Variants in DPP6 observed in about 807,000 individuals in gnomAD.
DPP6 encodes dipeptidyl peptidase like 6, also known as A-type potassium channel modulatory protein DPP6.
In DPP6, 69 loss-of-function variants were observed where a neutral mutation model predicts 122.6. The ratio of observed to expected loss-of-function variants is 0.56; its 90% CI spans 0.46 to 0.69. The LOEUF is 0.69. Among genes scored for constraint, DPP6 ranks in the 30% least tolerant of loss-of-function variants. DPP6 has a pLI of 0.00. For synonymous variants in DPP6, 418 were observed against 433.1 expected (o/e 0.97, Z 0.43); for missense variants, 928 against 1,116.9 (o/e 0.83, Z 2.41).
intron 1 of DPP6, among the ~76,000 whole-genome samples, chr7:154,298,069 C>T (rs908281130): frequency 6.6e-6 from 1 of 152,086 alleles, no homozygotes; most frequent in Non-Finnish European, 1.5e-5. Context: ...TGTGGGTGGG[C>T]CTCGTCCGAT....
At chr7:154,584,333 G>A (rs1229952012) in intron 5 of DPP6, among the ~76,000 whole-genome samples, 2 of 152,210 alleles carry the variant, frequency 1.3e-5, no homozygotes, top group African/African-American at 4.8e-5. Flanking sequence ...TCAGCAGCAG[G>A]CCTTGGACTC....
chr7:154,540,983 C>T lies in DPP6; in HGVS notation c.552+357C>T, dbSNP rs537478796. On this transcript the variant is annotated intron_variant, in intron 4 of 25. Transcript: ENST00000377770. ...TTTGCTCAATCCTGTTTAAAAAAAG[C>T]TCGTCTCCGCATGCATAGGAAGTAT... Among the ~76,000 whole-genome samples the T allele has an allele frequency of 4.6e-4, 70 of 152,266 alleles. 2 individuals are homozygous for T. The highest frequency in any genetic ancestry group is 4.2e-3 in the Admixed American group (64 of 15,296).
the DPP6 span, among the ~76,000 whole-genome samples, chr7:153,818,382 T>G: frequency 6.6e-6 from 1 of 152,092 alleles, no homozygotes; most frequent in South Asian, 2.1e-4. Flanking sequence ...TATTAAAACA[T>G]ATATAAAAGA....
intron 1 of DPP6, among the ~76,000 whole-genome samples, chr7:154,158,111 A>C (rs1409418216): frequency 2.0e-5 from 3 of 149,818 alleles, no homozygotes; most frequent in African/African-American, 7.4e-5. Flanking sequence ...CCATATAATT[A>C]TGTTTCAATT....
At chr7:153,771,211 C>T in the DPP6 span, among the ~76,000 whole-genome samples, 1 of 151,950 alleles carries the variant, frequency 6.6e-6, no homozygotes, top group African/African-American at 2.4e-5. Context: ...TGCTGAAGAA[C>T]AAAATATGAG....
chr7:153,942,396 G>C (rs759796851), intron 1 of DPP6, among the ~76,000 whole-genome samples: 4 of 152,212 alleles, frequency 2.6e-5, no homozygotes, highest in African/African-American at 9.6e-5. Context: ...TCAATGACAC[G>C]TAAGTGCCAG....
intron 17 of DPP6, among the ~76,000 whole-genome samples, chr7:154,857,596 A>G (rs1482449439): frequency 6.6e-6 from 1 of 152,146 alleles, no homozygotes; most frequent in Non-Finnish European, 1.5e-5. Context: ...GTCTTCCCCA[A>G]ACAAAATGCA....
chr7:154,767,797 A>G (rs371150719), intron 8 of DPP6, among the ~76,000 whole-genome samples: 4 of 152,194 alleles, frequency 2.6e-5, no homozygotes, highest in African/African-American at 4.8e-5. Flanking sequence ...ACCAGAGTAC[A>G]GGAGGTCAAA....
intron 17 of DPP6, among the ~76,000 whole-genome samples, chr7:154,860,882 G>A (rs550483150): frequency 6.6e-6 from 1 of 152,348 alleles, no homozygotes; most frequent in African/African-American, 2.4e-5. Flanking sequence ...GGGCCGTCCA[G>A]CAAATGCACA....
chr7:154,577,731 A>C (rs1055181246), intron 5 of DPP6, among the ~76,000 whole-genome samples: 69 of 152,326 alleles, frequency 4.5e-4, no homozygotes, highest in Non-Finnish European at 7.6e-4. Context: ...ATTGTAATGT[A>C]GTGAGGGGAG....
chr7:154,005,369 A>G (rs935878088), intron 1 of DPP6, among the ~76,000 whole-genome samples: 81 of 152,178 alleles, frequency 5.3e-4, no homozygotes, highest in African/African-American at 1.7e-3. Flanking sequence ...AGGTTCCACT[A>G]GTGCTGTTGG....
chr7:154,095,727 T>C lies in DPP6; in HGVS notation c.243+42664T>C, dbSNP rs1805276695. ...CTGGGAGGCGGCCTTGGCGTGTCCC[T>C]GAGACCTCCTGTGATGCTCACGGCT... is the stretch of plus-strand genomic sequence containing the variant. On this transcript the variant is annotated intron_variant, in intron 1 of 25. Transcript: ENST00000377770. 1.8e-5 allele frequency: 2 copies of C among 111,022 alleles called. 1 individual carries two copies. Among genetic ancestry groups the C allele is most frequent in the South Asian group, 6.8e-4 (2 of 2,922 alleles). The allele number at this position is 111,022 out of a possible 1,614,324, so 6.9% of individuals were successfully genotyped here.
chr7:154,113,481 T>C (rs1163060992), intron 1 of DPP6, among the ~76,000 whole-genome samples: 6 of 151,926 alleles, frequency 3.9e-5, no homozygotes, highest in African/African-American at 1.2e-4. Context: ...ATAGCAACCC[T>C]CATAGGTGTG....
chr7:153,812,640 C>G, the DPP6 span, among the ~76,000 whole-genome samples: 4 of 152,168 alleles, frequency 2.6e-5, no homozygotes, highest in African/African-American at 4.8e-5. Flanking sequence ...TTCCTGTCTG[C>G]TGGACACAAA....
intron 1 of DPP6, among the ~76,000 whole-genome samples, chr7:154,145,214 C>T (rs187178972): frequency 6.6e-6 from 1 of 152,116 alleles, no homozygotes; most frequent in Non-Finnish European, 1.5e-5. Context: ...TTAGAAAGAC[C>T]CCTACAGCTA....
chr7:154,063,038 G>T (rs1319593042), intron 1 of DPP6, among the ~76,000 whole-genome samples: 1 of 133,844 alleles, frequency 7.5e-6, no homozygotes, highest in African/African-American at 2.7e-5. Context: ...CATCACAGGA[G>T]GGGGAGGCAC....
chr7:154,060,652 C>T (rs1381161768), intron 1 of DPP6, among the ~76,000 whole-genome samples: 202 of 148,002 alleles, frequency 1.4e-3, no homozygotes, highest in Admixed American at 4.4e-3. Context: ...GAGGCACCCC[C>T]CACGAGAGTG....
the DPP6 span, among the ~76,000 whole-genome samples, chr7:153,759,817 AG>A: frequency 6.6e-6 from 1 of 152,234 alleles, no homozygotes; most frequent in Admixed American, 6.5e-5. Context: ...GTGCTTTTTA[AG>A]TATCTATGAG....
chr7:154,159,727 A>G (rs1241829539), intron 1 of DPP6, among the ~76,000 whole-genome samples: 3 of 152,306 alleles, frequency 2.0e-5, no homozygotes, highest in African/African-American at 7.2e-5. Context: ...GCAAAGCGCT[A>G]CAAATACAGG....
Sources: allele counts gnomAD v4.1 joint callset (sites outside exome capture counted in the v4.1 genomes callset), GRCh38; gene constraint gnomAD v4.1.1; transcripts MANE v1.5; gene names NCBI Gene and HGNC (gene_info 2026-07-23, HGNC 2026-07-21).